TMX3: variants seen among roughly 807,000 people sequenced by gnomAD.
TMX3 encodes thioredoxin related transmembrane protein 3.
Under a neutral mutation model 64.4 loss-of-function variants are expected in TMX3, and 40 were observed. That is an observed-to-expected ratio of 0.62 (90% confidence interval 0.48 to 0.81). The LOEUF is 0.81. TMX3 is among the 30% of genes least tolerant of loss of function. TMX3 has a pLI of 0.00. For synonymous variants in TMX3, 189 were observed against 175.7 expected (o/e 1.08, Z -0.60); for missense variants, 497 against 534.5 (o/e 0.93, Z 0.69).
chr18:68,698,451 C>T (rs1915329855), intron 6 of TMX3, among the ~76,000 whole-genome samples: 1 of 152,054 alleles, frequency 6.6e-6, no homozygotes, highest in South Asian at 2.1e-4. Flanking sequence ...ATATACAGTA[C>T]TTCATTAAGA....
At chr18:68,708,110 CAAG>C (rs1201914239) in intron 4 of TMX3, among the ~76,000 whole-genome samples, 1 of 151,208 alleles carries the variant, frequency 6.6e-6, no homozygotes, top group Admixed American at 6.6e-5. Context: ...TATATGGAAA[CAAG>C]AAATTACTTT....
chr18:68,704,037 A>T (rs1033745120), intron 4 of TMX3, among the ~76,000 whole-genome samples: 1 of 152,172 alleles, frequency 6.6e-6, no homozygotes, highest in African/African-American at 2.4e-5. Flanking sequence ...TCGCCTATGT[A>T]ACTCTGGATG....
In TMX3 at chr18:68,676,954, T is replaced by G. The variant is rs185706435; in HGVS notation, c.1344A>C (p.Val448=). 6.2e-7 allele frequency: 1 copy of G among 1,612,816 alleles called. No individual in the cohort carries two copies. Among genetic ancestry groups the G allele is most frequent in the African/African-American group, 1.3e-5 (1 of 74,886 alleles). ...VVPTVQEPKD[V]LEKKKD ...AGTCTCAATCTTTCTTCTTTTCTAA[T>G]ACATCCTTGGGCTCCTGCACTGTAG... Residue 448 remains valine (V), a synonymous_variant, in exon 16 of 16, where the codon GTA becomes GTC. Transcript: ENST00000299608.
In TMX3 at chr18:68,710,600, G is replaced by A. The variant is rs185672853; in HGVS notation, c.142-456C>T. Among the ~76,000 whole-genome samples the A allele has an allele frequency of 2.7e-3, 413 of 152,254 alleles. 1 individual carries two copies. The highest frequency in any genetic ancestry group is 9.7e-3 in the African/African-American group (402 of 41,548). ...CTATTGTAACCACTGGCAAGAAGGG[G>A]AGGTCATTAAGATGACTGGTTTGGC... On this transcript the variant is annotated intron_variant, in intron 3 of 15. Coordinates refer to ENST00000299608, the MANE Select transcript of TMX3 (RefSeq NM_019022.5).
At chr18:68,704,510 G>C (rs1250480742) in intron 4 of TMX3, among the ~76,000 whole-genome samples, 1 of 152,126 alleles carries the variant, frequency 6.6e-6, no homozygotes. Flanking sequence ...AGGTAATTCA[G>C]ATTAAGAAAC....
chr18:68,709,767 T>TC (rs1486892153), intron 4 of TMX3, among the ~76,000 whole-genome samples: 6 of 152,020 alleles, frequency 3.9e-5, no homozygotes, highest in Non-Finnish European at 5.9e-5. Context: ...TACAGCTGCC[T>TC]CATATAAACC....
rs143132774 is a variant in TMX3, at chr18:68,707,631, C to A, written c.265+2390G>T. Among the ~76,000 whole-genome samples the A allele has an allele frequency of 6.2e-3, 949 of 152,122 alleles. 8 individuals are homozygous for A. The highest frequency in any genetic ancestry group is 0.011 in the Non-Finnish European group (747 of 67,996). ...TCATTGACTGTTTATCTTCATAGTC[C>A]CACATTCCTTTATACATGACTCGAT... On this transcript the variant is annotated intron_variant, in intron 4 of 15. Transcript: ENST00000299608.
chr18:68,691,012 TTAAAG>T (rs1350071806), intron 9 of TMX3: 21 of 323,494 alleles, frequency 6.5e-5, no homozygotes, highest in African/African-American at 3.8e-4. Flanking sequence ...TCTGAACATT[TTAAAG>T]TAATGTATAA....
chr18:68,693,360 G>A (rs1018842706), intron 8 of TMX3, among the ~76,000 whole-genome samples: 1 of 152,126 alleles, frequency 6.6e-6, no homozygotes, highest in Non-Finnish European at 1.5e-5. Context: ...CCCGGGTATA[G>A]CTGAAGCTGC....
At chr18:68,713,773 A>T in intron 2 of TMX3, 73 bp downstream of exon 2, 1 of 757,260 alleles carries the variant, frequency 1.3e-6, no homozygotes, top group Non-Finnish European at 1.9e-6. Context: ...AAATATTAGA[A>T]TCACATGCAA....
intron 4 of TMX3, among the ~76,000 whole-genome samples, chr18:68,705,618 G>T (rs1337077150): frequency 1.3e-5 from 2 of 151,938 alleles, no homozygotes; most frequent in Non-Finnish European, 2.9e-5. Flanking sequence ...GCCACTACAG[G>T]TAATATTATG....
intron 2 of TMX3, among the ~76,000 whole-genome samples, chr18:68,712,446 G>A (rs1568207823): frequency 6.6e-6 from 1 of 152,116 alleles, no homozygotes; most frequent in South Asian, 2.1e-4. Context: ...GAATTTCCAT[G>A]AGCCATCTCT....
chr18:68,693,226 G>A (rs1018118767), intron 8 of TMX3, among the ~76,000 whole-genome samples: 2 of 152,160 alleles, frequency 1.3e-5, no homozygotes, highest in Admixed American at 6.5e-5. Flanking sequence ...CAGCTGCTGC[G>A]CGAATGCCAG....
At chr18:68,682,836 T>C (rs976839765) in intron 13 of TMX3, 89 bp downstream of exon 13, 3 of 1,083,848 alleles carry the variant, frequency 2.8e-6, no homozygotes, top group African/African-American at 3.2e-5. Context: ...TTTGCTATTT[T>C]TCAGCTATTT....
chr18:68,714,959 G>A lies in TMX3; in HGVS notation c.23C>T (p.Thr8Met), dbSNP rs1482387403. 1.3e-6 allele frequency: 2 copies of A among 1,573,352 alleles called. No homozygotes were observed. The highest frequency in any genetic ancestry group is 1.7e-6 in the Non-Finnish European group (2 of 1,160,152). MAAWKSW[T>M]ALRLCATVVV... is the part of the protein sequence containing the mutation. ...ACCTGTGGCGCAGAGCCGCAGGGCC[G>A]TCCAACTCTTCCACGCTGCCATGCT... is the stretch of plus-strand genomic sequence containing the variant. The change falls in exon 1 of 16, where the codon ACG becomes ATG. Residue 8 changes from threonine (T) to methionine (M), a missense_variant. Coordinates refer to ENST00000299608, the MANE Select transcript of TMX3 (RefSeq NM_019022.5).
rs1326259731 is a variant in TMX3, at chr18:68,675,613, T to C, written c.*1320A>G. On this transcript the variant is annotated 3_prime_UTR_variant, in exon 16 of 16. Transcript: ENST00000299608. ...TTTTAATAAATGTTCAATAAAATTC[T>C]TTATAGTGGAAAATTACTCAATGAA... The C allele has an allele frequency of 3.3e-5, 5 of 152,188 alleles. No homozygotes were observed. Among genetic ancestry groups the C allele is most frequent in the African/African-American group, 9.6e-5 (4 of 41,464 alleles). The allele number at this position is 152,188 out of a possible 1,614,324, so 9.4% of individuals were successfully genotyped here.
Position 68,697,552 on chromosome 18 carries a change from T to C in TMX3, c.493-249A>G, listed in dbSNP as rs151041205. On this transcript the variant is annotated intron_variant, in intron 7 of 15. Coordinates refer to ENST00000299608, the MANE Select transcript of TMX3 (RefSeq NM_019022.5). ...AAATATAACACAAGTTCAATTTGTA[T>C]GTATTCATTTAATTATAAATTAGAC... is the stretch of plus-strand genomic sequence containing the variant. 90 of 352,850 alleles carry C rather than the reference T, an allele frequency of 2.6e-4. 1 individual carries two copies. In the Middle Eastern group the frequency reaches 6.1e-3, roughly 24 times the overall value. 21.9% of individuals were successfully genotyped at this position (352,850 alleles called of 1,614,324 possible).
chr18:68,690,828 G>C (rs971067976), intron 9 of TMX3, among the ~76,000 whole-genome samples: 1 of 152,162 alleles, frequency 6.6e-6, no homozygotes, highest in Non-Finnish European at 1.5e-5. Flanking sequence ...TTTAAAAACA[G>C]ACCAAGCATT....
intron 4 of TMX3, among the ~76,000 whole-genome samples, chr18:68,707,458 C>A (rs2030790146): frequency 6.6e-6 from 1 of 152,138 alleles, no homozygotes; most frequent in South Asian, 2.1e-4. Context: ...ACTTAATAAA[C>A]AGTAGTACAC....
Sources: allele counts gnomAD v4.1 joint callset (sites outside exome capture counted in the v4.1 genomes callset), GRCh38; gene constraint gnomAD v4.1.1; transcripts MANE v1.5; gene names NCBI Gene and HGNC (gene_info 2026-07-23, HGNC 2026-07-21).